Variants in KLHDC4 observed in about 807,000 individuals in gnomAD.
The protein encoded by KLHDC4 is kelch domain-containing protein 4.
In KLHDC4, 90 loss-of-function variants were observed where a neutral mutation model predicts 62.4. That is an observed-to-expected ratio of 1.44 (90% CI 1.22 to 1.72). The LOEUF is 1.72. Among genes scored for constraint, KLHDC4 ranks in the 40% most tolerant of loss-of-function variants. The pLI is 0.00. For synonymous variants in KLHDC4, 386 were observed against 284.4 expected (o/e 1.36, Z -3.59); for missense variants, 1,025 against 699.7 (o/e 1.47, Z -5.25).
Position 87,765,903 on chromosome 16 carries a change from C to G in KLHDC4, c.-13G>C, listed in dbSNP as rs2046598683. 2.6e-6 allele frequency: 4 copies of G among 1,550,550 alleles called. No individual in the cohort carries two copies. The South Asian group carries it at 3.6e-5, about 14-fold the overall frequency. On this transcript the variant is annotated 5_prime_UTR_variant, in exon 1 of 12. Transcript: ENST00000270583. ...CCTTCTTGCCCATCTTGCCGGGTCCCAAGCCGCGACGGGACACCAGGAAAG... is the reference window on the plus strand; with the variant it reads ...CCTTCTTGCCCATCTTGCCGGGTCCGAAGCCGCGACGGGACACCAGGAAAG...
intron 7 of KLHDC4, among the ~76,000 whole-genome samples, chr16:87,718,285 C>T (rs969952219): frequency 2.5e-5 from 3 of 122,446 alleles, no homozygotes; most frequent in African/African-American, 9.3e-5. Flanking sequence ...TTCGCTCTCG[C>T]TCTCCCTCTC....
chr16:87,718,467 C>T (rs2037522765), intron 7 of KLHDC4, among the ~76,000 whole-genome samples: 2 of 151,314 alleles, frequency 1.3e-5, no homozygotes, highest in South Asian at 2.1e-4. Flanking sequence ...TGCAACCTCC[C>T]TGCCTGATTC....
chr16:87,702,565 C>G (rs950775328), exon 1 of KLHDC4: 4 of 349,790 alleles, frequency 1.1e-5, no homozygotes, highest in African/African-American at 8.6e-5. Context: ...CTGAGCTGAC[C>G]TCTCTAGCAG....
chr16:87,717,732 T>A (rs569928697), intron 7 of KLHDC4, among the ~76,000 whole-genome samples: 2 of 152,214 alleles, frequency 1.3e-5, no homozygotes, highest in Non-Finnish European at 2.9e-5. Flanking sequence ...AGAGACTTCA[T>A]CTGCTGGGGG....
exon 1 of KLHDC4, chr16:87,700,918 A>G (rs1469277932): frequency 3.9e-6 from 1 of 254,484 alleles, no homozygotes. Flanking sequence ...GAGTCAGTCA[A>G]CTCAGGCACC....
At chr16:87,746,239 C>T (rs897736355) in intron 5 of KLHDC4, among the ~76,000 whole-genome samples, 3 of 151,848 alleles carry the variant, frequency 2.0e-5, no homozygotes, top group African/African-American at 7.3e-5. Context: ...CACTGTATTC[C>T]AGCCTGGGCA....
At chr16:87,720,041 C>G (rs894878084) in intron 7 of KLHDC4, among the ~76,000 whole-genome samples, 3 of 152,208 alleles carry the variant, frequency 2.0e-5, no homozygotes, top group African/African-American at 7.2e-5. Context: ...CTTAGCTTAG[C>G]CTGCAGTGAG....
intron 5 of KLHDC4, among the ~76,000 whole-genome samples, chr16:87,731,209 G>A (rs562469902): frequency 9.2e-5 from 14 of 151,586 alleles, no homozygotes; most frequent in South Asian, 4.2e-4. Flanking sequence ...AATTACAAGC[G>A]TGCACCACCA....
intron 5 of KLHDC4, among the ~76,000 whole-genome samples, chr16:87,737,948 A>G (rs1387890346): frequency 5.9e-5 from 9 of 152,196 alleles, no homozygotes; most frequent in Admixed American, 5.9e-4. Flanking sequence ...AGAAACTATC[A>G]TCCGTCAGCA....
At chr16:87,738,079 G>C (rs186025933) in intron 5 of KLHDC4, among the ~76,000 whole-genome samples, 49 of 152,300 alleles carry the variant, frequency 3.2e-4, no homozygotes, top group Non-Finnish European at 5.1e-4. Context: ...GAGAGCTTCA[G>C]ACCATGCAAC....
intron 7 of KLHDC4, among the ~76,000 whole-genome samples, chr16:87,724,492 C>T (rs974344098): frequency 2.0e-5 from 3 of 152,132 alleles, no homozygotes; most frequent in Admixed American, 1.3e-4. Flanking sequence ...TCCAGAATGT[C>T]ACCTTCTGCA....
rs145503666 is a variant in KLHDC4 at position 87,742,894 on chromosome 16, T to A, written c.506+5779A>T. On this transcript the variant is annotated intron_variant, in intron 5 of 11. Coordinates refer to ENST00000270583, the MANE Select transcript of KLHDC4 (RefSeq NM_017566.4). ...CTATCAGGGAAGGGAAGACTCATTCTGCAAGGCGCCGCAGCTGTAGTCCAG... is the reference window on the plus strand; with the variant it reads ...CTATCAGGGAAGGGAAGACTCATTCAGCAAGGCGCCGCAGCTGTAGTCCAG... 336 of 152,386 alleles carry A rather than the reference T, an allele frequency of 2.2e-3. 2 individuals carry two copies. Among genetic ancestry groups the A allele is most frequent in the Admixed American group, 3.6e-3 (55 of 15,306 alleles). 9.4% of individuals were successfully genotyped at this position (152,386 alleles called of 1,614,324 possible).
chr16:87,716,018 T>C (rs1176092471), intron 7 of KLHDC4, among the ~76,000 whole-genome samples: 3 of 152,126 alleles, frequency 2.0e-5, no homozygotes, highest in Non-Finnish European at 4.4e-5. Flanking sequence ...CTTGTGGATA[T>C]TTATGCAGAC....
rs368510457 is a variant in KLHDC4 at position 87,754,428 on chromosome 16, G to C, written c.369+766C>G. ...TGCCTGCAAGCCTGCATCTGCACGGGATGTTCACACAGCTCAGGCAGGCAG... is the reference window on the plus strand; with the variant it reads ...TGCCTGCAAGCCTGCATCTGCACGGCATGTTCACACAGCTCAGGCAGGCAG... On this transcript the variant is annotated intron_variant, in intron 4 of 11. Coordinates refer to ENST00000270583, the MANE Select transcript of KLHDC4 (RefSeq NM_017566.4). Among the ~76,000 whole-genome samples the C allele has an allele frequency of 1.2e-4, 19 of 152,384 alleles. No individual in the cohort carries two copies. In the East Asian group the frequency reaches 2.3e-3, roughly 19 times the overall value.
At chr16:87,703,700 A>C (rs2034308137), downstream of KLHDC4, among the ~76,000 whole-genome samples, 1 of 150,740 alleles carries the variant, frequency 6.6e-6, no homozygotes, top group South Asian at 2.1e-4. Context: ...AGGTTGAGAC[A>C]AGGAAAACGG....
chr16:87,718,876 G>A (rs1000888787), intron 7 of KLHDC4, among the ~76,000 whole-genome samples: 72 of 142,922 alleles, frequency 5.0e-4, no homozygotes, highest in African/African-American at 1.8e-3. Flanking sequence ...GTCCGGCCGC[G>A]ACCCCGTCTG....
rs1039479652 is a variant in KLHDC4, at chr16:87,714,427, G to T, written c.835+71C>A. ...CTCACCGCCAGCCCCACATCCATGG[G>T]AGGGTGTGGGCTCTGCCTCCCGCCA... is the stretch of plus-strand genomic sequence containing the variant. On this transcript the variant is annotated intron_variant, in intron 8 of 11. Transcript: ENST00000270583. 2.0e-6 allele frequency: 3 copies of T among 1,484,126 alleles called. No homozygotes were observed. In the African/African-American group the frequency reaches 4.2e-5, roughly 21 times the overall value. The allele number at this position is 1,484,126 out of a possible 1,614,324, so 91.9% of individuals were successfully genotyped here. A position where few individuals can be genotyped will look rare whatever the true frequency, so the allele number is the denominator to read the frequency against.
chr16:87,709,222 G>C lies in KLHDC4; in HGVS notation c.1447+43C>G. On this transcript the variant is annotated intron_variant, in intron 10 of 11. Transcript: ENST00000270583. ...CGAGGGACGCGACACACGACCGTGG[G>C]CTCTCGCTCCCGGGCACGGAGGCAC... 2.5e-6 allele frequency: 4 copies of C among 1,577,906 alleles called. No homozygotes were observed. In the South Asian group the frequency reaches 4.6e-5, roughly 18 times the overall value.
intron 7 of KLHDC4, among the ~76,000 whole-genome samples, chr16:87,721,996 T>A (rs894165070): frequency 2.0e-5 from 3 of 152,138 alleles, no homozygotes; most frequent in African/African-American, 7.2e-5. Flanking sequence ...GCTGGTTCCC[T>A]GACTCTCTAA....
Sources: gnomAD v4.1 joint callset for allele counts (sites outside exome capture counted in the v4.1 genomes callset) on GRCh38, gnomAD v4.1.1 for gene constraint, MANE v1.5 for transcripts, NCBI Gene and HGNC (gene_info 2026-07-23, HGNC 2026-07-21) for gene names.